The following NINJ2 variants were observed in gnomAD, a reference collection of about 807,000 sequenced individuals.
NINJ2 encodes the protein ninjurin 2.
NINJ2 carries 12 observed loss-of-function variants against 11.7 expected under a neutral mutation model. The observed-to-expected ratio is 1.02, with a 90% CI of 0.66 to 1.66. The LOEUF is 1.66. Among genes scored for constraint, NINJ2 ranks in the 40% most tolerant of loss-of-function variants. NINJ2 has a pLI of 0.00. For synonymous variants in NINJ2, 93 were observed against 76.8 expected, an observed-to-expected ratio of 1.21 and a Z score of -1.10; for missense variants, 187 against 181.8, an observed-to-expected ratio of 1.03 and a Z score of -0.16.
intron 1 of NINJ2, among the ~76,000 whole-genome samples, chr12:599,933 G>A (rs1947845561): frequency 6.6e-6 from 1 of 152,176 alleles, no homozygotes; most frequent in Admixed American, 6.5e-5. Context: ...CAAGGTTTGA[G>A]CAGCTCTGGC....
chr12:653,614 T>TA lies in NINJ2; in HGVS notation c.33+9713dup, dbSNP rs200514649. ...CTCCAGGGCAATAACTAAAAAAAGT[T>TA]AAAAAAAAGTACAACTGATACACTA... On this transcript the variant is annotated intron_variant, in intron 1 of 3. Coordinates refer to ENST00000305108, the MANE Select transcript of NINJ2 (RefSeq NM_016533.6). Among the ~76,000 whole-genome samples the TA allele has an allele frequency of 7.6e-3, 1,142 of 149,822 alleles. 17 individuals carry two copies. Among genetic ancestry groups the TA allele is most frequent in the African/African-American group, 0.026 (1,069 of 40,782 alleles).
chr12:605,454 G>A (rs1947930266), intron 1 of NINJ2, among the ~76,000 whole-genome samples: 1 of 152,372 alleles, frequency 6.6e-6, no homozygotes, highest in Middle Eastern at 3.4e-3. Context: ...CAGCTATTTG[G>A]GAGGCTGAGG....
chr12:619,218 G>T (rs1313147600), intron 1 of NINJ2, among the ~76,000 whole-genome samples: 1 of 152,198 alleles, frequency 6.6e-6, no homozygotes, highest in African/African-American at 2.4e-5. Flanking sequence ...CCCAAGCTGG[G>T]CACTTGGGGT....
chr12:598,567 G>A (rs1416025837), intron 1 of NINJ2, among the ~76,000 whole-genome samples: 2 of 152,160 alleles, frequency 1.3e-5, no homozygotes, highest in Non-Finnish European at 2.9e-5. Flanking sequence ...TTAAAACATG[G>A]TCATCAATTC....
chr12:575,488 C>T (rs368247434), intron 1 of NINJ2, among the ~76,000 whole-genome samples: 1 of 152,204 alleles, frequency 6.6e-6, no homozygotes, highest in Non-Finnish European at 1.5e-5. Context: ...CCAGGGAGAG[C>T]CTCCCCTCCT....
chr12:587,534 C>T (rs1375655004), intron 1 of NINJ2, among the ~76,000 whole-genome samples: 1 of 152,242 alleles, frequency 6.6e-6, no homozygotes, highest in Non-Finnish European at 1.5e-5. Context: ...TTTCTTAGGG[C>T]TCCTCAGGCT....
At position 623,355 on chromosome 12, in the gene NINJ2, G is replaced by A. The variant is rs1242688277; in HGVS notation, c.33+39973C>T. On this transcript the variant is annotated intron_variant, in intron 1 of 3. Coordinates refer to ENST00000305108, the MANE Select transcript of NINJ2 (RefSeq NM_016533.6). ...CCCCTCCCCCACTGCTACCCGAGCA[G>A]CTCTCCCTTCACCTCAGGCCCTGTG... Among the ~76,000 whole-genome samples the A allele has an allele frequency of 3.3e-5, 5 of 152,280 alleles. No individual in the cohort carries two copies. In the East Asian group the frequency reaches 9.6e-4, roughly 29 times the overall value.
intron 1 of NINJ2, among the ~76,000 whole-genome samples, chr12:620,244 G>A (rs562958342): frequency 3.7e-4 from 56 of 152,336 alleles, no homozygotes; most frequent in African/African-American, 1.3e-3. Flanking sequence ...AAGAGACCTG[G>A]ATGGAAATGG....
At chr12:601,650 G>A (rs1221705613) in intron 1 of NINJ2, among the ~76,000 whole-genome samples, 1 of 152,144 alleles carries the variant, frequency 6.6e-6, no homozygotes, top group South Asian at 2.1e-4. Context: ...GTTCACCTCA[G>A]GTCAGGAGTT....
At position 580,984 on chromosome 12, in the gene NINJ2, G is replaced by A. The variant is rs1385115681; in HGVS notation, c.34-14806C>T. ...TGTTTGTGTGTATGTGTGTGTCCAT[G>A]TCTCTGTGCATATGTCTGTGTGAAT... On this transcript the variant is annotated intron_variant, in intron 1 of 3. Transcript: ENST00000305108. The surrounding 1 kb of genome is among the most constrained non-coding windows in gnomAD (Gnocchi z 4.7). Among the ~76,000 whole-genome samples the A allele has an allele frequency of 6.6e-6, 1 of 151,462 alleles. No homozygotes were observed. Among genetic ancestry groups the A allele is most frequent in the East Asian group, 1.9e-4 (1 of 5,174 alleles).
At chr12:638,626 A>G (rs970330191) in intron 1 of NINJ2, among the ~76,000 whole-genome samples, 3 of 152,192 alleles carry the variant, frequency 2.0e-5, no homozygotes, top group African/African-American at 4.8e-5. Flanking sequence ...CGTGTTAGCC[A>G]TGATGGTCTT....
intron 1 of NINJ2, among the ~76,000 whole-genome samples, chr12:647,334 C>T (rs1937702017): frequency 6.6e-6 from 1 of 152,208 alleles, no homozygotes; most frequent in Non-Finnish European, 1.5e-5. Context: ...ACGTCTCTTT[C>T]CTAGGTTGGA....
intron 1 of NINJ2, among the ~76,000 whole-genome samples, chr12:656,748 C>CA (rs397702753): frequency 0.2 from 21,259 of 106,256 alleles, 1,774 homozygotes; most frequent in Middle Eastern, 0.4. Context: ...GACTCTGTCT[C>CA]AAAAAAAAAA....
intron 1 of NINJ2, among the ~76,000 whole-genome samples, chr12:626,983 G>T (rs1468572657): frequency 6.6e-6 from 1 of 152,168 alleles, no homozygotes; most frequent in South Asian, 2.1e-4. Context: ...TACTCAAAAG[G>T]CTGAGACGGA....
intron 1 of NINJ2, among the ~76,000 whole-genome samples, chr12:568,979 G>C (rs956588748): frequency 6.7e-6 from 1 of 149,164 alleles, no homozygotes; most frequent in African/African-American, 2.4e-5. Context: ...CTGGGGCCCA[G>C]GGCCCACAGA....
intron 1 of NINJ2, among the ~76,000 whole-genome samples, chr12:662,100 G>C (rs1294942431): frequency 6.6e-6 from 1 of 152,234 alleles, no homozygotes; most frequent in African/African-American, 2.4e-5. Flanking sequence ...AGGTTGGTCA[G>C]GGGAGGGCTC....
At chr12:572,713 C>A (rs887412760) in intron 1 of NINJ2, among the ~76,000 whole-genome samples, 5 of 152,148 alleles carry the variant, frequency 3.3e-5, no homozygotes, top group African/African-American at 4.8e-5. Context: ...ATGTAGTCCT[C>A]ACAACAGTTC....
At chr12:650,648 G>A (rs993670948) in intron 1 of NINJ2, among the ~76,000 whole-genome samples, 5 of 152,102 alleles carry the variant, frequency 3.3e-5, no homozygotes, top group Non-Finnish European at 5.9e-5. Context: ...GTGGTGAGCC[G>A]AGTTCGCGCC....
chr12:568,977 C>G (rs1471094085), intron 1 of NINJ2, among the ~76,000 whole-genome samples: 2 of 150,528 alleles, frequency 1.3e-5, no homozygotes, highest in Non-Finnish European at 3.0e-5. Context: ...GGCTGGGGCC[C>G]AGGGCCCACA....
Sources: gnomAD v4.1 joint callset for allele counts (sites outside exome capture counted in the v4.1 genomes callset) on GRCh38, gnomAD v4.1.1 for gene constraint, Gnocchi (gnomAD v3.1) non-coding constraint, MANE v1.5 for transcripts, NCBI Gene and HGNC (gene_info 2026-07-23, HGNC 2026-07-21) for gene names.